WDR64: variants seen among roughly 807,000 people sequenced by gnomAD.
WDR64 encodes WD repeat domain 64.
WDR64 carries 112 observed loss-of-function variants against 139.3 expected under a neutral mutation model. The ratio of observed to expected loss-of-function variants is 0.80; its 90% confidence interval spans 0.69 to 0.94. The LOEUF is 0.94. Ranked by LOEUF, WDR64 falls within the 40% of genes least tolerant of loss-of-function variation. The pLI is 0.00. For synonymous variants in WDR64, 444 were observed against 437.7 expected (o/e 1.01, Z -0.18); for missense variants, 1,206 against 1,293.1 (o/e 0.93, Z 1.03).
chr1:241,697,389 T>C (rs539043950), intron 8 of WDR64, among the ~76,000 whole-genome samples: 2 of 152,310 alleles, frequency 1.3e-5, no homozygotes, highest in African/African-American at 4.8e-5. Context: ...TTGGTGACCT[T>C]ATGCTCAACT....
intron 25 of WDR64, among the ~76,000 whole-genome samples, chr1:241,794,138 G>A (rs559913022): frequency 1.3e-5 from 2 of 151,184 alleles, no homozygotes; most frequent in East Asian, 3.9e-4. Flanking sequence ...CTGAGATCAC[G>A]CCATTGCACT....
intron 6 of WDR64, among the ~76,000 whole-genome samples, chr1:241,680,288 C>T (rs891686829): frequency 3.9e-5 from 6 of 152,176 alleles, no homozygotes; most frequent in Non-Finnish European, 7.3e-5. Flanking sequence ...TTCCTTCATG[C>T]CTTTCTTGTT....
rs1667019961 is a variant in WDR64, at chr1:241,686,785, G to C, written c.840-676G>C. ...GTACTTCAGTTTGAAAAGTACTAAT[G>C]GAAAATATATTTTCAGATGGATTGA... is the stretch of plus-strand genomic sequence containing the variant. On this transcript the variant is annotated intron_variant, in intron 7 of 27. Transcript: ENST00000437684. Among the ~76,000 whole-genome samples the C allele has an allele frequency of 2.0e-5, 3 of 151,830 alleles. No individual in the cohort carries two copies. In the South Asian group the frequency reaches 6.2e-4, roughly 32 times the overall value.
intron 12 of WDR64, among the ~76,000 whole-genome samples, chr1:241,743,317 A>T (rs529561453): frequency 4.1e-4 from 63 of 152,216 alleles, no homozygotes; most frequent in African/African-American, 1.5e-3. Flanking sequence ...CCATTCATGC[A>T]ATGACCCACA....
intron 6 of WDR64, among the ~76,000 whole-genome samples, chr1:241,682,876 T>G (rs1379362542): frequency 2.0e-5 from 3 of 152,192 alleles, no homozygotes; most frequent in Admixed American, 2.0e-4. Context: ...GTCTTGTACA[T>G]CATTGCACAG....
intron 27 of WDR64, among the ~76,000 whole-genome samples, chr1:241,800,660 A>G (rs1659496444): frequency 6.6e-6 from 1 of 152,112 alleles, no homozygotes; most frequent in South Asian, 2.1e-4. Flanking sequence ...ACAAAGCAGA[A>G]CACAACAAAA....
At chr1:241,713,509 G>C (rs1043131942) in intron 9 of WDR64, among the ~76,000 whole-genome samples, 6 of 85,600 alleles carry the variant, frequency 7.0e-5, no homozygotes, top group Admixed American at 4.2e-4. Flanking sequence ...AAAGAAAAAA[G>C]AAAGAAAGAA....
intron 8 of WDR64, among the ~76,000 whole-genome samples, chr1:241,695,848 C>T (rs55802010): frequency 1.3e-5 from 2 of 152,000 alleles, no homozygotes; most frequent in South Asian, 2.1e-4. Context: ...GACATAGTGG[C>T]TAAGCCTGTA....
intron 22 of WDR64, among the ~76,000 whole-genome samples, chr1:241,781,645 A>G (rs1658849717): frequency 6.6e-6 from 1 of 152,266 alleles, no homozygotes; most frequent in Non-Finnish European, 1.5e-5. Context: ...ATATAATTAC[A>G]TATACACACA....
intron 9 of WDR64, among the ~76,000 whole-genome samples, chr1:241,716,770 CAT>C (rs779100233): frequency 2.1e-4 from 32 of 152,116 alleles, no homozygotes; most frequent in Admixed American, 2.0e-4. Context: ...AAAGCCACCA[CAT>C]ATGATTCCAT....
intron 11 of WDR64, among the ~76,000 whole-genome samples, chr1:241,739,657 T>C (rs1669458769): frequency 6.6e-6 from 1 of 152,204 alleles, no homozygotes. Context: ...TTTATCATCA[T>C]AGTCACTAAG....
intron 8 of WDR64, among the ~76,000 whole-genome samples, chr1:241,706,997 G>T (rs1667976446): frequency 6.6e-6 from 1 of 152,032 alleles, no homozygotes; most frequent in Non-Finnish European, 1.5e-5. Context: ...TTCCTGTTGT[G>T]CATGTTGGCT....
chr1:241,752,868 A>G (rs564758319), intron 14 of WDR64, among the ~76,000 whole-genome samples: 17 of 152,246 alleles, frequency 1.1e-4, no homozygotes, highest in African/African-American at 4.1e-4. Flanking sequence ...CACACACACA[A>G]AAAACAAACC....
intron 21 of WDR64, among the ~76,000 whole-genome samples, chr1:241,775,701 G>A (rs1284075333): frequency 2.6e-5 from 4 of 151,790 alleles, no homozygotes; most frequent in East Asian, 3.9e-4. Context: ...CTCTTCTGTC[G>A]TCTGAATTAA....
At chr1:241,794,504 G>GGTT (rs780489411) in intron 25 of WDR64, among the ~76,000 whole-genome samples, 1 of 81,458 alleles carries the variant, frequency 1.2e-5, no homozygotes, top group Non-Finnish European at 2.4e-5. Context: ...AAGCTTTACT[G>GGTT]TTTTTTTTTT....
At chr1:241,797,512 T>G (rs1286361748) in intron 27 of WDR64, among the ~76,000 whole-genome samples, 1 of 152,234 alleles carries the variant, frequency 6.6e-6, no homozygotes, top group Non-Finnish European at 1.5e-5. Context: ...TGGCGTTTAT[T>G]GATTGTGCCT....
At chr1:241,661,043 C>A in intron 2 of WDR64, among the ~76,000 whole-genome samples, 1 of 152,066 alleles carries the variant, frequency 6.6e-6, no homozygotes, top group East Asian at 1.9e-4. Flanking sequence ...GAAGAGGCTA[C>A]AATTGACTAC....
In WDR64 at chr1:241,744,516, G is replaced by A. The variant is rs1179822415; in HGVS notation, c.1594G>A (p.Gly532Arg). 3 of 1,613,660 alleles carry A rather than the reference G, an allele frequency of 1.9e-6. No individual in the cohort carries two copies. Among genetic ancestry groups the A allele is most frequent in the East Asian group, 2.2e-5 (1 of 44,858 alleles). The change falls in exon 13 of 28, where the codon GGA becomes AGA. Residue 532 changes from glycine (G) to arginine (R), a missense_variant and splice_region_variant. Transcript: ENST00000437684. ...TCTTTTTGCCACAGGAGCGTATAAT[G>A]GTCAGACTAACATCCAGAATGTGGC... ...GFLFATGAYN[G>R]TVRIWDFGSG...
chr1:241,729,687 T>G (rs1452425952), intron 10 of WDR64, among the ~76,000 whole-genome samples: 1 of 152,162 alleles, frequency 6.6e-6, no homozygotes, highest in Non-Finnish European at 1.5e-5. Context: ...TTTTTTTCCT[T>G]TTGGTGAGTG....
Sources: allele counts gnomAD v4.1 joint callset (sites outside exome capture counted in the v4.1 genomes callset), GRCh38; gene constraint gnomAD v4.1.1; transcripts MANE v1.5; gene names NCBI Gene and HGNC (gene_info 2026-07-23, HGNC 2026-07-21).